COL19A1: variants seen among roughly 807,000 people sequenced by gnomAD.
COL19A1 encodes the protein collagen type XIX alpha 1 chain.
COL19A1 carries 159 observed loss-of-function variants against 190.2 expected under a neutral mutation model. The ratio of observed to expected loss-of-function variants is 0.84; its 90% CI spans 0.73 to 0.95. The LOEUF is 0.95. Ranked by LOEUF, COL19A1 falls within the 40% of genes least tolerant of loss-of-function variation. The pLI, the probability that COL19A1 is intolerant of heterozygous loss-of-function variation, is 0.00. For synonymous variants in COL19A1, 509 were observed against 458.9 expected (o/e 1.11, Z -1.39); for missense variants, 1,418 against 1,431.9 (o/e 0.99, Z 0.16).
chr6:70,030,877 G>A (rs564084337), intron 12 of COL19A1, among the ~76,000 whole-genome samples: 53 of 152,132 alleles, frequency 3.5e-4, no homozygotes, highest in Non-Finnish European at 6.8e-4. Context: ...GCACAAGCCT[G>A]TCCCAGCCAT....
chr6:70,156,420 G>GA (rs766917150), intron 33 of COL19A1, 51 bp downstream of exon 33: 3 of 1,551,976 alleles, frequency 1.9e-6, no homozygotes, highest in Non-Finnish European at 2.6e-6. Flanking sequence ...AATTTAGTAT[G>GA]AAAAAAAGAA....
At chr6:69,948,311 T>C (rs1773938029) in intron 9 of COL19A1, among the ~76,000 whole-genome samples, 1 of 151,882 alleles carries the variant, frequency 6.6e-6, no homozygotes, top group Non-Finnish European at 1.5e-5. Flanking sequence ...CAATAAATTA[T>C]GGCATAGCAG....
chr6:69,878,614 G>A (rs1421158686), intron 1 of COL19A1, among the ~76,000 whole-genome samples: 2 of 152,252 alleles, frequency 1.3e-5, no homozygotes, highest in South Asian at 2.1e-4. Context: ...TCGTGCAGCT[G>A]TTATAGAAAA....
At chr6:70,114,768 C>T (rs1784469965) in intron 16 of COL19A1, among the ~76,000 whole-genome samples, 1 of 152,132 alleles carries the variant, frequency 6.6e-6, no homozygotes, top group Non-Finnish European at 1.5e-5. Flanking sequence ...AAACTTCATC[C>T]ATCTAAGAAT....
At chr6:69,949,496 C>T (rs1774004561) in intron 9 of COL19A1, among the ~76,000 whole-genome samples, 1 of 151,980 alleles carries the variant, frequency 6.6e-6, no homozygotes, top group African/African-American at 2.4e-5. Flanking sequence ...AGCGTATTAT[C>T]TAACAGTAGG....
At chr6:69,970,054 G>C (rs1775333334) in intron 11 of COL19A1, among the ~76,000 whole-genome samples, 1 of 152,178 alleles carries the variant, frequency 6.6e-6, no homozygotes, top group South Asian at 2.1e-4. Context: ...GATTCAAGGA[G>C]TAGGAAAATA....
intron 1 of COL19A1, among the ~76,000 whole-genome samples, chr6:69,871,853 C>T (rs1582239505): frequency 7.0e-6 from 1 of 142,784 alleles, no homozygotes; most frequent in South Asian, 2.2e-4. Flanking sequence ...CTTGCTCTGT[C>T]GCCCAGGCTG....
At chr6:70,163,275 C>T (rs368235630) in intron 35 of COL19A1, 68 bp from the exon 36 acceptor site, 16 of 1,429,634 alleles carry the variant, frequency 1.1e-5, no homozygotes, top group Admixed American at 9.2e-5. Flanking sequence ...GTTTTAGTAA[C>T]CAACTTCCAA....
intron 31 of COL19A1, among the ~76,000 whole-genome samples, chr6:70,153,121 G>A (rs921503547): frequency 6.6e-6 from 1 of 152,104 alleles, no homozygotes; most frequent in African/African-American, 2.4e-5. Context: ...ATAGAAGAAA[G>A]GGGAGGTATG....
chr6:70,201,328 G>T (rs930635332), intron 49 of COL19A1, among the ~76,000 whole-genome samples: 2 of 152,198 alleles, frequency 1.3e-5, no homozygotes, highest in African/African-American at 4.8e-5. Flanking sequence ...CATTTGGAAG[G>T]CTGTCAGTCA....
At chr6:69,984,118 A>G (rs1776190198) in intron 11 of COL19A1, among the ~76,000 whole-genome samples, 2 of 152,084 alleles carry the variant, frequency 1.3e-5, no homozygotes, top group South Asian at 4.1e-4. Context: ...TATGGGTTTA[A>G]TTATTTATTT....
rs751912404 is a variant in COL19A1, at chr6:70,206,983, G to A, written c.3301+5G>A. On this transcript the variant is annotated splice_donor_5th_base_variant and intron_variant, in intron 50 of 50. Coordinates refer to ENST00000620364, the MANE Select transcript of COL19A1 (RefSeq NM_001858.6). The stretch of plus-strand genomic sequence containing the variant: ...CAGGTCTTCCTGGGACTTCAGGTAA[G>A]TGGGATATTGTCTTCACAACACAAG... The A allele has an allele frequency of 1.2e-6, 2 of 1,612,972 alleles. No individual in the cohort carries two copies. The highest frequency in any genetic ancestry group is 1.7e-6 in the Non-Finnish European group (2 of 1,179,696).
chr6:69,992,512 G>T (rs1354123873), intron 11 of COL19A1, among the ~76,000 whole-genome samples: 1 of 152,074 alleles, frequency 6.6e-6, no homozygotes, highest in African/African-American at 2.4e-5. Context: ...TAGTTTGATA[G>T]AAATAGCATT....
At chr6:70,042,858 C>T (rs1779699068) in intron 14 of COL19A1, among the ~76,000 whole-genome samples, 1 of 152,136 alleles carries the variant, frequency 6.6e-6, no homozygotes, top group African/African-American at 2.4e-5. Context: ...CTTTGTTCAC[C>T]CATAAGAAGC....
At chr6:70,115,377 T>C (rs1784503675) in intron 16 of COL19A1, among the ~76,000 whole-genome samples, 1 of 152,144 alleles carries the variant, frequency 6.6e-6, no homozygotes, top group South Asian at 2.1e-4. Context: ...ATTATAAGAA[T>C]CAAATAAGAT....
chr6:69,900,230 A>G lies in COL19A1; in HGVS notation c.167-9A>G, dbSNP rs1770086049. The G allele has an allele frequency of 1.3e-6, 2 of 1,528,860 alleles. No homozygotes were observed. Among genetic ancestry groups the G allele is most frequent in the Non-Finnish European group, 1.8e-6 (2 of 1,125,772 alleles). 94.7% of individuals were successfully genotyped at this position (1,528,860 alleles called of 1,614,324 possible). The stretch of plus-strand genomic sequence containing the variant: ...TTTATTAAATTGAATCATCTGTTAC[A>G]TTTTACAGGTTTTGATCTAGGAGAC... On this transcript the variant is annotated splice_polypyrimidine_tract_variant and intron_variant, in intron 3 of 50. Coordinates refer to ENST00000620364, the MANE Select transcript of COL19A1 (RefSeq NM_001858.6).
intron 11 of COL19A1, among the ~76,000 whole-genome samples, chr6:69,978,461 A>T (rs1456869982): frequency 1.3e-5 from 2 of 152,020 alleles, no homozygotes; most frequent in Non-Finnish European, 2.9e-5. Flanking sequence ...AATAATAAAG[A>T]AACCAATACA....
intron 7 of COL19A1, among the ~76,000 whole-genome samples, chr6:69,933,483 TAACA>T (rs1470749664): frequency 6.6e-6 from 1 of 152,116 alleles, no homozygotes; most frequent in Non-Finnish European, 1.5e-5. Flanking sequence ...GGAACAGGGC[TAACA>T]AACATGATTA....
intron 2 of COL19A1, among the ~76,000 whole-genome samples, chr6:69,883,374 C>A: frequency 6.6e-6 from 1 of 152,196 alleles, no homozygotes; most frequent in East Asian, 1.9e-4. Context: ...GATGGTCAAC[C>A]TTTGCCATGT....
Sources: gnomAD v4.1 joint callset for allele counts (sites outside exome capture counted in the v4.1 genomes callset) on GRCh38, gnomAD v4.1.1 for gene constraint, MANE v1.5 for transcripts, NCBI Gene and HGNC (gene_info 2026-07-23, HGNC 2026-07-21) for gene names.